The following ASPH variants were observed in gnomAD, a reference collection of about 807,000 sequenced individuals.
The protein encoded by ASPH is aspartyl/asparaginyl beta-hydroxylase.
ASPH carries 100 observed loss-of-function variants against 118.4 expected under a neutral mutation model. The observed-to-expected ratio is 0.84, with a 90% CI of 0.72 to 1.00. ASPH has a LOEUF of 1.00. Among genes scored for constraint, ASPH ranks in the 50% least tolerant of loss-of-function variants. The pLI, the probability that ASPH is intolerant of heterozygous loss-of-function variation, is 0.00. For missense variants in ASPH, 920 were observed against 919.5 expected, an observed-to-expected ratio of 1.00 and a Z score of -0.01; for synonymous variants, 315 against 325.6, an observed-to-expected ratio of 0.97 and a Z score of 0.35.
intron 18 of ASPH, among the ~76,000 whole-genome samples, chr8:61,561,232 T>C (rs1213584685): frequency 6.6e-6 from 1 of 152,166 alleles, no homozygotes; most frequent in African/African-American, 2.4e-5. Context: ...AATTCTTACA[T>C]TCACAGACCC....
chr8:61,585,008 T>G (rs1160909229), intron 14 of ASPH, among the ~76,000 whole-genome samples: 1 of 152,256 alleles, frequency 6.6e-6, no homozygotes, highest in Non-Finnish European at 1.5e-5. Flanking sequence ...ATCTCTGTTT[T>G]GTGGTCCTTC....
intron 14 of ASPH, among the ~76,000 whole-genome samples, chr8:61,589,375 C>T (rs1360202314): frequency 1.3e-5 from 2 of 152,118 alleles, no homozygotes; most frequent in Admixed American, 6.6e-5. Context: ...AAACAGCATC[C>T]TTTTCAAAAA....
At chr8:61,577,315 T>C (rs1055627016) in intron 15 of ASPH, among the ~76,000 whole-genome samples, 4 of 135,408 alleles carry the variant, frequency 3.0e-5, no homozygotes, top group Non-Finnish European at 6.2e-5. Flanking sequence ...ACATGTACCA[T>C]AGAACTTAAA....
intron 1 of ASPH, among the ~76,000 whole-genome samples, chr8:61,693,273 C>A (rs1172284603): frequency 6.6e-6 from 1 of 152,226 alleles, no homozygotes; most frequent in African/African-American, 2.4e-5. Flanking sequence ...TGGACCTCAT[C>A]ATAAACGCAA....
In ASPH at chr8:61,568,995, C is replaced by A. The variant is rs140167693; in HGVS notation, c.1150-1677G>T. Among the ~76,000 whole-genome samples the A allele has an allele frequency of 1.9e-4, 29 of 152,180 alleles. 3 individuals are homozygous for A. In the East Asian group the frequency reaches 5.4e-3, roughly 28 times the overall value. On this transcript the variant is annotated intron_variant, in intron 16 of 24. Coordinates refer to ENST00000379454, the MANE Select transcript of ASPH (RefSeq NM_004318.4). ...AAGAGACTCAGTAGAGAGGGAAAAT[C>A]TGATGATACAGAAGGAGACACAAAA...
At chr8:61,552,763 G>A (rs896304997) in intron 20 of ASPH, among the ~76,000 whole-genome samples, 1 of 151,866 alleles carries the variant, frequency 6.6e-6, no homozygotes, top group Non-Finnish European at 1.5e-5. Context: ...AACATACACA[G>A]ACATGTACCA....
chr8:61,520,695 G>A (rs925875108), intron 22 of ASPH, among the ~76,000 whole-genome samples: 2 of 152,194 alleles, frequency 1.3e-5, no homozygotes, highest in African/African-American at 4.8e-5. Context: ...GGTATGCAGG[G>A]CCTGGGGCTG....
chr8:61,585,009 G>C (rs1455251154), intron 14 of ASPH, among the ~76,000 whole-genome samples: 1 of 152,316 alleles, frequency 6.6e-6, no homozygotes, highest in African/African-American at 2.4e-5. Context: ...TCTCTGTTTT[G>C]TGGTCCTTCC....
intron 14 of ASPH, among the ~76,000 whole-genome samples, chr8:61,594,626 T>C (rs1842044218): frequency 6.6e-6 from 1 of 152,226 alleles, no homozygotes; most frequent in African/African-American, 2.4e-5. Context: ...ATAAGGTATT[T>C]TGAGAGGGAG....
chr8:61,623,452 G>C (rs1851659386), intron 13 of ASPH, among the ~76,000 whole-genome samples: 1 of 152,058 alleles, frequency 6.6e-6, no homozygotes, highest in African/African-American at 2.4e-5. Context: ...TTAATCCCTT[G>C]ACAGATGGGT....
intron 12 of ASPH, among the ~76,000 whole-genome samples, chr8:61,635,080 G>A (rs1474654658): frequency 6.6e-6 from 1 of 152,026 alleles, no homozygotes; most frequent in African/African-American, 2.4e-5. Flanking sequence ...CATTCTGTAT[G>A]GCTTTCTCTT....
chr8:61,513,991 T>C (rs1809876351), intron 24 of ASPH, among the ~76,000 whole-genome samples: 2 of 152,010 alleles, frequency 1.3e-5, no homozygotes. Context: ...CACTCCTGCA[T>C]TTGTTTTTTT....
At chr8:61,651,795 G>T (rs1469932904) in intron 4 of ASPH, among the ~76,000 whole-genome samples, 2 of 152,180 alleles carry the variant, frequency 1.3e-5, no homozygotes, top group African/African-American at 4.8e-5. Context: ...AAAACACTGT[G>T]GTGCTTATCA....
intron 5 of ASPH, among the ~76,000 whole-genome samples, chr8:61,647,333 T>G (rs1362579873): frequency 6.6e-6 from 1 of 152,218 alleles, no homozygotes; most frequent in Non-Finnish European, 1.5e-5. Context: ...TTTAAATGAC[T>G]ATTCAAATAT....
chr8:61,663,085 A>T, intron 3 of ASPH: 1 of 985,446 alleles, frequency 1.0e-6, no homozygotes, highest in Non-Finnish European at 1.2e-6. Context: ...TTTTAAAAAA[A>T]CATTCCATTT....
At chr8:61,624,277 C>T (rs936433683) in intron 13 of ASPH, 3 of 985,298 alleles carry the variant, frequency 3.0e-6, no homozygotes, top group African/African-American at 1.7e-5. Flanking sequence ...ATCAAAACTT[C>T]TAGGTGCAGG....
intron 1 of ASPH, among the ~76,000 whole-genome samples, chr8:61,701,375 T>C (rs1835203397): frequency 6.6e-6 from 1 of 152,358 alleles, no homozygotes; most frequent in Admixed American, 6.5e-5. Context: ...TACTCTATCC[T>C]ACCCAGTCAT....
chr8:61,513,726 T>A (rs1280089663), intron 24 of ASPH, among the ~76,000 whole-genome samples: 1 of 152,158 alleles, frequency 6.6e-6, no homozygotes. Flanking sequence ...GTAGGTTGTG[T>A]TTTACCTCAG....
chr8:61,653,903 A>G (rs749337629), intron 3 of ASPH, among the ~76,000 whole-genome samples: 1 of 152,190 alleles, frequency 6.6e-6, no homozygotes. Context: ...CATTGTTTAA[A>G]TGTTCATGAA....
Sources: gnomAD v4.1 joint callset for allele counts (sites outside exome capture counted in the v4.1 genomes callset) on GRCh38, gnomAD v4.1.1 for gene constraint, MANE v1.5 for transcripts, NCBI Gene and HGNC (gene_info 2026-07-23, HGNC 2026-07-21) for gene names.